The following AGAP1 variants were observed in gnomAD, a reference collection of about 807,000 sequenced individuals.
AGAP1 encodes arf-GAP with GTPase, ANK repeat and PH domain-containing protein 1.
A neutral mutation model predicts 105.3 loss-of-function variants in AGAP1; 29 were observed. The ratio of observed to expected loss-of-function variants is 0.28; its 90% CI spans 0.21 to 0.38. The LOEUF (loss-of-function observed/expected upper bound fraction) is 0.38. AGAP1 is among the 10% of genes least tolerant of loss of function. AGAP1 has a pLI of 1.00. For synonymous variants in AGAP1, 509 were observed against 485.9 expected, an observed-to-expected ratio of 1.05 and a Z score of -0.63; for missense variants, 998 against 1,165.1, an observed-to-expected ratio of 0.86 and a Z score of 2.09.
intron 1 of AGAP1, among the ~76,000 whole-genome samples, chr2:235,504,156 T>C (rs191357697): frequency 0.011 from 1,682 of 152,284 alleles, 13 homozygotes; most frequent in Middle Eastern, 0.017. Context: ...ACTCTCTTTT[T>C]TTTTTGACAC....
At chr2:236,033,620 C>G (rs898414864) in intron 13 of AGAP1, among the ~76,000 whole-genome samples, 6 of 152,350 alleles carry the variant, frequency 3.9e-5, no homozygotes, top group Admixed American at 6.5e-5. Context: ...GTGTGCCCGT[C>G]CTCACCACGT....
At position 235,681,999 on chromosome 2, in the gene AGAP1, G is replaced by A. The variant is rs564381038; in HGVS notation, c.164-27180G>A. Among the ~76,000 whole-genome samples the A allele has an allele frequency of 7.2e-5, 11 of 151,854 alleles. No homozygotes were observed. The South Asian group carries it at 2.3e-3, about 32-fold the overall frequency. On this transcript the variant is annotated intron_variant, in intron 1 of 17. Transcript: ENST00000304032. ...CAAGTAGCTGGGATTACAGGCATCC[G>A]CCACCACGCCCAGCTAATTTTTTTT... is the stretch of plus-strand genomic sequence containing the variant.
chr2:235,661,256 G>A (rs1399852023), intron 1 of AGAP1, among the ~76,000 whole-genome samples: 1 of 152,102 alleles, frequency 6.6e-6, no homozygotes. Context: ...TTTGTTGAGG[G>A]CTGGAGGGAG....
At chr2:235,587,401 G>A (rs1257714663) in intron 1 of AGAP1, among the ~76,000 whole-genome samples, 1 of 152,180 alleles carries the variant, frequency 6.6e-6, no homozygotes, top group African/African-American at 2.4e-5. Flanking sequence ...AGGGCAGCGG[G>A]ATGCTCACCA....
chr2:235,707,470 T>TGGGGGGGGGGGGGGGGGGGGGGGGGG, intron 1 of AGAP1, among the ~76,000 whole-genome samples: 1 of 18,666 alleles, frequency 5.4e-5, no homozygotes, highest in Non-Finnish European at 2.4e-4. Context: ...GCCCTCCCCA[T>TGGGGGGGGGGGGGGGGGGGGGGGGGG]GACCCCCCCC....
intron 9 of AGAP1, among the ~76,000 whole-genome samples, chr2:235,859,881 A>G (rs949501829): frequency 6.6e-6 from 1 of 152,190 alleles, no homozygotes. Flanking sequence ...ATTCTAGGAC[A>G]ACTCAGTTCT....
chr2:235,494,376 C>T lies in AGAP1; in HGVS notation c.-311C>T, dbSNP rs1387343622. ...GCTGCGGCTCAGGAAGTCACCCGAG[C>T]AAGCCTCCTTCGGGGCCGGCCGCAC... On this transcript the variant is annotated 5_prime_UTR_variant, in exon 1 of 18. Coordinates refer to ENST00000304032, the MANE Select transcript of AGAP1 (RefSeq NM_001037131.3). 2 of 144,112 alleles carry T rather than the reference C, an allele frequency of 1.4e-5. No individual in the cohort carries two copies. Among genetic ancestry groups the T allele is most frequent in the Admixed American group, 1.4e-4 (2 of 14,674 alleles). 8.9% of individuals were successfully genotyped at this position (144,112 alleles called of 1,614,324 possible). A position where few individuals can be genotyped will look rare whatever the true frequency, so the allele number is the denominator to read the frequency against.
chr2:235,717,491 T>C (rs2149546961), intron 2 of AGAP1, 66 bp from the exon 3 acceptor site: 1 of 1,382,766 alleles, frequency 7.2e-7, no homozygotes, highest in East Asian at 2.4e-5. Flanking sequence ...TTTAGCCTCT[T>C]AGTATTTGCA....
Position 235,608,529 on chromosome 2 carries a change from T to A in AGAP1, c.164-100650T>A, listed in dbSNP as rs1184231193. Among the ~76,000 whole-genome samples, 1 of 152,104 alleles carries A rather than the reference T, an allele frequency of 6.6e-6. No homozygotes were observed. Among genetic ancestry groups the A allele is most frequent in the Non-Finnish European group, 1.5e-5 (1 of 68,030 alleles). On this transcript the variant is annotated intron_variant, in intron 1 of 17. Coordinates refer to ENST00000304032, the MANE Select transcript of AGAP1 (RefSeq NM_001037131.3). This position sits in a 1 kb window ranked among gnomAD's most constrained non-coding sequence, Gnocchi z 5.4. ...CTGGCCCAGCGTTGGGCTGGGACCC[T>A]CTGCCTCTCCCAGTGAGACCAACCC...
chr2:235,989,177 G>T lies in AGAP1; in HGVS notation c.1645+20554G>T, dbSNP rs1303051858. On this transcript the variant is annotated intron_variant, in intron 13 of 17. Coordinates refer to ENST00000304032, the MANE Select transcript of AGAP1 (RefSeq NM_001037131.3). The surrounding 1 kb of genome is among the most constrained non-coding windows in gnomAD (Gnocchi z 4.4). ...AGGCAATACCAGGTCTTAACAGCTTGTTGTCTGTGGTGTCTTCCTTCTTCC... is the reference window on the plus strand; with the variant it reads ...AGGCAATACCAGGTCTTAACAGCTTTTTGTCTGTGGTGTCTTCCTTCTTCC... 6.6e-6 allele frequency among the ~76,000 whole-genome samples: 1 copy of T among 152,188 alleles called. No individual in the cohort carries two copies. The highest frequency in any genetic ancestry group is 2.4e-5 in the African/African-American group (1 of 41,438).
chr2:235,882,414 T>C lies in AGAP1; in HGVS notation c.1051-931T>C. ...AGTGGTCTCTTTGGTCGGCAGGGTG[T>C]TCTTCTCCTGCGTCTCCGTTTTCTT... is the stretch of plus-strand genomic sequence containing the variant. On this transcript the variant is annotated intron_variant, in intron 9 of 17. Coordinates refer to ENST00000304032, the MANE Select transcript of AGAP1 (RefSeq NM_001037131.3). This position sits in a 1 kb window ranked among gnomAD's most constrained non-coding sequence, Gnocchi z 4.6. 1 of 1,584,152 alleles carries C rather than the reference T, an allele frequency of 6.3e-7. No homozygotes were observed. Among genetic ancestry groups the C allele is most frequent in the South Asian group, 1.1e-5 (1 of 89,838 alleles).
At position 236,078,831 on chromosome 2, in the gene AGAP1, G is replaced by A. The variant is rs747803866; in HGVS notation, c.2114+29550G>A. 9.2e-5 allele frequency among the ~76,000 whole-genome samples: 14 copies of A among 152,098 alleles called. No individual in the cohort carries two copies. Among genetic ancestry groups the A allele is most frequent in the Non-Finnish European group, 1.9e-4 (13 of 68,010 alleles). On this transcript the variant is annotated intron_variant, in intron 16 of 17. Transcript: ENST00000304032. This position sits in a 1 kb window ranked among gnomAD's most constrained non-coding sequence, Gnocchi z 5.3. The stretch of plus-strand genomic sequence containing the variant: ...TTGCCCACCCTCCTACCCCTGCAGC[G>A]GCCCCATCCCACGTGGTTAAGTGGG...
rs759188810 is a variant in AGAP1 at position 235,988,566 on chromosome 2, G to T, written c.1645+19943G>T. On this transcript the variant is annotated intron_variant, in intron 13 of 17. Coordinates refer to ENST00000304032, the MANE Select transcript of AGAP1 (RefSeq NM_001037131.3). The surrounding 1 kb of genome is among the most constrained non-coding windows in gnomAD (Gnocchi z 4.7). ...GTAGGTACTTAGTCAAGGCATGCAG[G>T]CGTTTCTCCTTGTTTTAGTTCATCT... is the stretch of plus-strand genomic sequence containing the variant. Among the ~76,000 whole-genome samples the T allele has an allele frequency of 1.1e-4, 16 of 152,120 alleles. No homozygotes were observed. The highest frequency in any genetic ancestry group is 2.4e-4 in the Non-Finnish European group (16 of 68,020).
intron 1 of AGAP1, among the ~76,000 whole-genome samples, chr2:235,678,080 G>C (rs933760314): frequency 1.3e-5 from 2 of 151,536 alleles, no homozygotes; most frequent in Non-Finnish European, 1.5e-5. Context: ...GTCGCTTATG[G>C]TGCCGGTGAG....
Position 235,901,876 on chromosome 2 carries a change from C to T in AGAP1, c.1156-6862C>T, listed in dbSNP as rs1324146742. Among the ~76,000 whole-genome samples the T allele has an allele frequency of 4.6e-5, 3 of 65,832 alleles. No homozygotes were observed. The highest frequency in any genetic ancestry group is 9.2e-5 in the Non-Finnish European group (3 of 32,512). The allele number at this position is 65,832 out of a possible 152,430, so 43.2% of individuals were successfully genotyped here. The stretch of plus-strand genomic sequence containing the variant: ...CCTGGGCGACAGAGTGAGACTCCGT[C>T]TCGGAAAAAAAAAAAAAAATTATGG... On this transcript the variant is annotated intron_variant, in intron 10 of 17. Coordinates refer to ENST00000304032, the MANE Select transcript of AGAP1 (RefSeq NM_001037131.3). The surrounding 1 kb of genome is among the most constrained non-coding windows in gnomAD (Gnocchi z 4.3).
At chr2:235,539,425 A>G (rs1445119442) in intron 1 of AGAP1, among the ~76,000 whole-genome samples, 2 of 152,206 alleles carry the variant, frequency 1.3e-5, no homozygotes, top group African/African-American at 4.8e-5. Flanking sequence ...ATCCCTGCCT[A>G]GCGCTGCCTT....
Position 235,801,951 on chromosome 2 carries a change from C to T in AGAP1, c.957+2429C>T, listed in dbSNP as rs910826935. On this transcript the variant is annotated intron_variant, in intron 8 of 17. Transcript: ENST00000304032. This position sits in a 1 kb window ranked among gnomAD's most constrained non-coding sequence, Gnocchi z 6.0. ...ATACCAGCACCTTCCCATCCCCTCC[C>T]TTTATAAGCTCTGGAACTGCAGTGT... is the stretch of plus-strand genomic sequence containing the variant. Among the ~76,000 whole-genome samples, 3 of 152,136 alleles carry T rather than the reference C, an allele frequency of 2.0e-5. No homozygotes were observed. Among genetic ancestry groups the T allele is most frequent in the African/African-American group, 7.2e-5 (3 of 41,418 alleles).
At chr2:235,649,477 G>C (rs1319610293) in intron 1 of AGAP1, among the ~76,000 whole-genome samples, 1 of 152,200 alleles carries the variant, frequency 6.6e-6, no homozygotes, top group African/African-American at 2.4e-5. Flanking sequence ...GGGCATAAGC[G>C]ATCCTCCCAC....
At chr2:235,590,176 C>T (rs962259967) in intron 1 of AGAP1, among the ~76,000 whole-genome samples, 1 of 152,164 alleles carries the variant, frequency 6.6e-6, no homozygotes, top group Non-Finnish European at 1.5e-5. Context: ...CCACCGCGCC[C>T]GGCCCTTTCT....
Sources: allele counts gnomAD v4.1 joint callset (sites outside exome capture counted in the v4.1 genomes callset), GRCh38; gene constraint gnomAD v4.1.1; non-coding constraint Gnocchi (gnomAD v3.1); transcripts MANE v1.5; gene names NCBI Gene and HGNC (gene_info 2026-07-23, HGNC 2026-07-21).